The following ABTB3 variants were observed in gnomAD, a reference collection of about 807,000 sequenced individuals.
ABTB3 encodes ankyrin repeat and BTB domain containing 3.
At chr12:107,503,756 C>CAAAAAAAAA in the ABTB3 span, among the ~76,000 whole-genome samples, 2,732 of 70,490 alleles carry the variant, frequency 0.039, 354 homozygotes, top group African/African-American at 0.18. Flanking sequence ...GACCCTATCT[C>CAAAAAAAAA]AAAAAAAAAA....
At chr12:107,550,127 C>T in the ABTB3 span, among the ~76,000 whole-genome samples, 23 of 152,266 alleles carry the variant, frequency 1.5e-4, no homozygotes, top group South Asian at 4.6e-3. Context: ...CCTAATAAGA[C>T]TTCTGGTGGG....
the ABTB3 span, among the ~76,000 whole-genome samples, chr12:107,421,704 G>A: frequency 2.0e-5 from 3 of 152,286 alleles, no homozygotes; most frequent in East Asian, 3.9e-4. Flanking sequence ...GTCAAAGCAG[G>A]GAAGTAGGCT....
At chr12:107,388,715 G>T in the ABTB3 span, among the ~76,000 whole-genome samples, 3 of 152,188 alleles carry the variant, frequency 2.0e-5, no homozygotes, top group African/African-American at 7.2e-5. Flanking sequence ...GCAGGTCTCC[G>T]TTGGGTGTTC....
chr12:107,606,781 T>C, the ABTB3 span, among the ~76,000 whole-genome samples: 1 of 152,192 alleles, frequency 6.6e-6, no homozygotes, highest in South Asian at 2.1e-4. Flanking sequence ...ATTTTCTCTA[T>C]AGTGAGTCAA....
At chr12:107,376,665 A>T in the ABTB3 span, among the ~76,000 whole-genome samples, 30 of 152,274 alleles carry the variant, frequency 2.0e-4, no homozygotes, top group African/African-American at 6.7e-4. Flanking sequence ...ATACAGCAGT[A>T]GAGGTTCTCA....
the ABTB3 span, among the ~76,000 whole-genome samples, chr12:107,541,902 G>A: frequency 2.7e-5 from 4 of 146,704 alleles, no homozygotes; most frequent in Non-Finnish European, 4.5e-5. Context: ...GTGTACCCCC[G>A]AACCTAAAAT....
At chr12:107,499,745 G>A in the ABTB3 span, among the ~76,000 whole-genome samples, 3 of 151,540 alleles carry the variant, frequency 2.0e-5, no homozygotes, top group Non-Finnish European at 4.4e-5. Context: ...GAGTGCAGTG[G>A]CATGATCTTG....
the ABTB3 span, among the ~76,000 whole-genome samples, chr12:107,342,505 A>G: frequency 1.3e-5 from 2 of 152,110 alleles, no homozygotes; most frequent in African/African-American, 4.8e-5. Context: ...CCTAGGGACC[A>G]TGGTCAACCT....
chr12:107,324,967 A>AT, the ABTB3 span, among the ~76,000 whole-genome samples: 1 of 152,216 alleles, frequency 6.6e-6, no homozygotes, highest in Non-Finnish European at 1.5e-5. Flanking sequence ...AAGAAGATGT[A>AT]TTTTAAAAAG....
At chr12:107,641,425 T>A in the ABTB3 span, among the ~76,000 whole-genome samples, 2 of 152,198 alleles carry the variant, frequency 1.3e-5, no homozygotes, top group African/African-American at 4.8e-5. Flanking sequence ...TGTAAATCTA[T>A]AATTTCAAAA....
chr12:107,345,638 A>T, the ABTB3 span, among the ~76,000 whole-genome samples: 1 of 152,176 alleles, frequency 6.6e-6, no homozygotes, highest in African/African-American at 2.4e-5. Flanking sequence ...CTGCTCCCAG[A>T]CCACACTAGA....
chr12:107,630,867 T>C, the ABTB3 span, among the ~76,000 whole-genome samples: 1 of 152,244 alleles, frequency 6.6e-6, no homozygotes, highest in Admixed American at 6.5e-5. Context: ...TATGGTACAT[T>C]TGTTATAATT....
At chr12:107,563,748 A>G in the ABTB3 span, among the ~76,000 whole-genome samples, 2 of 152,160 alleles carry the variant, frequency 1.3e-5, no homozygotes, top group African/African-American at 2.4e-5. Flanking sequence ...TGGAAAGGGT[A>G]GAAAGAGAAA....
the ABTB3 span, among the ~76,000 whole-genome samples, chr12:107,608,991 A>AAAAT: frequency 7.2e-6 from 1 of 138,834 alleles, no homozygotes; most frequent in Non-Finnish European, 1.5e-5. Context: ...AAAATAAAAT[A>AAAAT]AAATAAAATA....
At chr12:107,495,208 G>A in the ABTB3 span, among the ~76,000 whole-genome samples, 1 of 152,192 alleles carries the variant, frequency 6.6e-6, no homozygotes, top group Non-Finnish European at 1.5e-5. Flanking sequence ...AGCTGGAGTC[G>A]TTACATTTGG....
the ABTB3 span, among the ~76,000 whole-genome samples, chr12:107,590,611 G>C: frequency 6.6e-5 from 10 of 152,260 alleles, no homozygotes; most frequent in Admixed American, 1.3e-4. Flanking sequence ...GTGGAAACCA[G>C]ACTGCAGGCG....
the ABTB3 span, among the ~76,000 whole-genome samples, chr12:107,417,168 G>A: frequency 8.5e-5 from 13 of 152,284 alleles, no homozygotes; most frequent in Middle Eastern, 3.4e-3. Context: ...TCATCCAAGC[G>A]TAGGTACACT....
chr12:107,596,185 C>T, the ABTB3 span, among the ~76,000 whole-genome samples: 2 of 152,220 alleles, frequency 1.3e-5, no homozygotes, highest in African/African-American at 4.8e-5. Context: ...AATACCAGAA[C>T]ATATCACATT....
At chr12:107,515,154 G>A in the ABTB3 span, among the ~76,000 whole-genome samples, 1 of 152,194 alleles carries the variant, frequency 6.6e-6, no homozygotes, top group Non-Finnish European at 1.5e-5. Context: ...GTGAGAAGTG[G>A]CAGAGCTAAG....
Sources: gnomAD v4.1 joint callset for allele counts (sites outside exome capture counted in the v4.1 genomes callset) on GRCh38, gnomAD v4.1.1 for gene constraint, MANE v1.5 for transcripts, NCBI Gene and HGNC (gene_info 2026-07-23, HGNC 2026-07-21) for gene names.